The following DENND11 variants were observed in gnomAD, a reference collection of about 807,000 sequenced individuals.
DENND11 encodes DENN domain-containing protein 11.
DENND11 carries 34 observed loss-of-function variants against 49.2 expected under a neutral mutation model. The ratio of observed to expected loss-of-function variants is 0.69; its 90% confidence interval spans 0.53 to 0.92. DENND11 has a LOEUF of 0.92. Ranked by LOEUF, DENND11 falls within the 40% of genes least tolerant of loss-of-function variation. The pLI is 0.00. For missense variants in DENND11, 475 were observed against 581.6 expected (o/e 0.82, Z 1.88); for synonymous variants, 238 against 230.3 (o/e 1.03, Z -0.30).
At position 141,702,054 on chromosome 7, in the gene DENND11, G is replaced by GGCCCCA; in HGVS notation, c.94_99dup (p.Trp32_Gly33dup). On this transcript the variant is annotated inframe_insertion, in exon 1 of 9. Coordinates refer to ENST00000536163, the MANE Select transcript of DENND11 (RefSeq NM_001080392.2). Reference sequence around the variant, plus strand: ...GGCCGGGCGCCCCCGCCGCCGCCCCGGCCCCAGCCTCCCGCCTGCGGCTGC... The same window carrying GGCCCCA: ...GGCCGGGCGCCCCCGCCGCCGCCCCGGCCCCAGCCCCAGCCTCCCGCCTGCGGCTGC... The GGCCCCA allele has an allele frequency of 2.0e-6, 2 of 993,118 alleles. No individual in the cohort carries two copies. Among genetic ancestry groups the GGCCCCA allele is most frequent in the Non-Finnish European group, 2.4e-6 (2 of 836,572 alleles). The allele number at this position is 993,118 out of a possible 1,614,324, so 61.5% of individuals were successfully genotyped here. A position where few individuals can be genotyped will look rare whatever the true frequency, so the allele number is the denominator to read the frequency against.
chr7:141,669,619 T>C (rs1392461808), intron 4 of DENND11, among the ~76,000 whole-genome samples: 1 of 152,084 alleles, frequency 6.6e-6, no homozygotes, highest in Non-Finnish European at 1.5e-5. Flanking sequence ...TTTGAACTTA[T>C]TTCTATAAAG....
intron 1 of DENND11, among the ~76,000 whole-genome samples, chr7:141,693,720 C>T (rs7802071): frequency 0.34 from 52,404 of 151,994 alleles, 10,447 homozygotes; most frequent in East Asian, 0.52. Flanking sequence ...ATGCATGTAG[C>T]TAAATAAGAG....
rs1797787381 is a variant in DENND11, at chr7:141,661,204, T to A, written c.*1452A>T. 1 of 152,134 alleles carries A rather than the reference T, an allele frequency of 6.6e-6. No individual in the cohort carries two copies. Among genetic ancestry groups the A allele is most frequent in the Non-Finnish European group, 1.5e-5 (1 of 68,032 alleles). The allele number at this position is 152,134 out of a possible 1,614,324, so 9.4% of individuals were successfully genotyped here. A position where few individuals can be genotyped will look rare whatever the true frequency, so the allele number is the denominator to read the frequency against. Reference sequence around the variant, plus strand: ...ATGGATGCACTGACGGCTATTCCCATAACCGAGCCAGGCGGGAAGGGGGAA... The same window carrying A: ...ATGGATGCACTGACGGCTATTCCCAAAACCGAGCCAGGCGGGAAGGGGGAA... On this transcript the variant is annotated 3_prime_UTR_variant, in exon 9 of 9. Transcript: ENST00000536163.
chr7:141,685,028 A>AT (rs1434539762), intron 3 of DENND11, among the ~76,000 whole-genome samples: 230 of 100,692 alleles, frequency 2.3e-3, no homozygotes, highest in South Asian at 0.01. Flanking sequence ...AAAAAAAAAA[A>AT]AATATATATA....
At chr7:141,696,908 C>G (rs1232467332) in intron 1 of DENND11, among the ~76,000 whole-genome samples, 1 of 152,142 alleles carries the variant, frequency 6.6e-6, no homozygotes, top group East Asian at 1.9e-4. Flanking sequence ...AGAGCACATC[C>G]AAAGCAAAGA....
intron 8 of DENND11, chr7:141,663,125 G>C: frequency 6.0e-6 from 2 of 333,886 alleles, no homozygotes; most frequent in Non-Finnish European, 1.1e-5. Context: ...TGAGGGAAGT[G>C]ACCTGGGTTT....
At chr7:141,674,321 T>G in intron 3 of DENND11, 101 bp from the exon 4 acceptor site, 1 of 1,418,972 alleles carries the variant, frequency 7.0e-7, no homozygotes, top group Non-Finnish European at 9.2e-7. Flanking sequence ...CTCAAGGGGC[T>G]GTAACACTCA....
chr7:141,666,891 C>A (rs528284485), intron 4 of DENND11, among the ~76,000 whole-genome samples: 1 of 152,130 alleles, frequency 6.6e-6, no homozygotes, highest in Non-Finnish European at 1.5e-5. Context: ...GAGCCCCTGG[C>A]ATAACCCCTG....
In DENND11 at chr7:141,701,891, CG is replaced by C; in HGVS notation, c.262del (p.Arg88AlafsTer6). Reference protein sequence around the residue: ...VAVFVVTFDPRSGNMVEWCLP... With the variant: ...VAVFVVTFDPXSGNMVEWCLP... Reference sequence around the variant, plus strand: ...GGCCCCGGCGCGGCCCTCACCCGAGCGGGGGTCGAAGGTGACCACGAACACG... The same window carrying C: ...GGCCCCGGCGCGGCCCTCACCCGAGCGGGGTCGAAGGTGACCACGAACACG... On this transcript the variant is annotated frameshift_variant, in exon 1 of 9. Coordinates refer to ENST00000536163, the MANE Select transcript of DENND11 (RefSeq NM_001080392.2). LOFTEE classifies it high-confidence loss of function. 1.7e-6 allele frequency: 2 copies of C among 1,204,860 alleles called. No individual in the cohort carries two copies. The highest frequency in any genetic ancestry group is 2.1e-6 in the Non-Finnish European group (2 of 971,282). 74.6% of individuals were successfully genotyped at this position (1,204,860 alleles called of 1,614,324 possible).
chr7:141,664,324 G>C, intron 7 of DENND11, 84 bp from the exon 8 acceptor site: 1 of 995,860 alleles, frequency 1.0e-6, no homozygotes, highest in Non-Finnish European at 1.5e-6. Context: ...ATCTTCAATG[G>C]GCCACCACCT....
intron 4 of DENND11, 33 bp downstream of exon 4, chr7:141,674,034 A>C (rs1798025859): frequency 6.3e-7 from 1 of 1,592,846 alleles, no homozygotes; most frequent in African/African-American, 1.3e-5. Context: ...ATACAGATCC[A>C]GTATAGTGTA....
Position 141,662,541 on chromosome 7 carries a change from TA to T in DENND11, c.*114del. On this transcript the variant is annotated 3_prime_UTR_variant, in exon 9 of 9. Coordinates refer to ENST00000536163, the MANE Select transcript of DENND11 (RefSeq NM_001080392.2). Reference sequence around the variant, plus strand: ...CAAAAATTATGTTTGTTGGAAAGTATAAACAATATTCCTTTGTGTCAACTTA... The same window carrying T: ...CAAAAATTATGTTTGTTGGAAAGTATAACAATATTCCTTTGTGTCAACTTA... 2 of 650,988 alleles carry T rather than the reference TA, an allele frequency of 3.1e-6. No individual in the cohort carries two copies. The highest frequency in any genetic ancestry group is 1.9e-5 in the African/African-American group (1 of 53,396). The allele number at this position is 650,988 out of a possible 1,614,324, so 40.3% of individuals were successfully genotyped here. A position where few individuals can be genotyped will look rare whatever the true frequency, so the allele number is the denominator to read the frequency against.
rs1321449434 is a variant in DENND11, at chr7:141,674,115, A to G, written c.633T>C (p.Pro211=). 1.2e-6 allele frequency: 2 copies of G among 1,600,990 alleles called. No homozygotes were observed. The highest frequency in any genetic ancestry group is 1.7e-4 in the Middle Eastern group (1 of 6,036). ...GGTGGATGGAAGGCAGCCAGTAGAC[A>G]GGGGGCAGGCTGCTGCCTCTGCCGG... is the stretch of plus-strand genomic sequence containing the variant. The part of the protein sequence containing the change: ...AGPGRGSSLP[P]VYWLPSIHRY... The change falls in exon 4 of 9, where the codon CCT becomes CCC. Residue 211 remains proline, a synonymous_variant. Coordinates refer to ENST00000536163, the MANE Select transcript of DENND11 (RefSeq NM_001080392.2).
intron 1 of DENND11, among the ~76,000 whole-genome samples, chr7:141,694,760 AAC>A: frequency 7.7e-6 from 1 of 129,356 alleles, no homozygotes; most frequent in Non-Finnish European, 1.8e-5. Flanking sequence ...AATCATGAAA[AAC>A]ACAAAGTCAA....
Position 141,690,980 on chromosome 7 carries a change from A to T in DENND11, c.269-4322T>A, listed in dbSNP as rs374539883. On this transcript the variant is annotated intron_variant, in intron 1 of 8. Transcript: ENST00000536163. ...ACTAATTTTATAGAAGGCACTTTTT[A>T]AAAAAAAAAAGAAATACAGGTATAT... is the stretch of plus-strand genomic sequence containing the variant. Among the ~76,000 whole-genome samples the T allele has an allele frequency of 4.4e-3, 645 of 147,452 alleles. 6 individuals are homozygous for T. The highest frequency in any genetic ancestry group is 0.011 in the African/African-American group (452 of 40,254).
At chr7:141,697,578 A>G (rs1327773921) in intron 1 of DENND11, among the ~76,000 whole-genome samples, 1 of 152,136 alleles carries the variant, frequency 6.6e-6, no homozygotes, top group African/African-American at 2.4e-5. Flanking sequence ...TTTGCATCTT[A>G]AAATTGTCCT....
At chr7:141,697,703 C>G (rs986252653) in intron 1 of DENND11, among the ~76,000 whole-genome samples, 6 of 152,070 alleles carry the variant, frequency 3.9e-5, no homozygotes, top group Admixed American at 1.3e-4. Context: ...CCTCAGACAC[C>G]AGACCTAGCC....
At chr7:141,697,010 A>G (rs889036520) in intron 1 of DENND11, among the ~76,000 whole-genome samples, 1 of 152,224 alleles carries the variant, frequency 6.6e-6, no homozygotes, top group African/African-American at 2.4e-5. Context: ...CTGAATTCCA[A>G]TGCATTCACT....
rs183234755 is a variant in DENND11 at position 141,656,840 on chromosome 7, T to C, written c.*5816A>G. ...TATATACAGATATGATATTCATAGA[T>C]GTTATTTGTACCACAGAACAAAATC... On this transcript the variant is annotated 3_prime_UTR_variant, in exon 9 of 9. Coordinates refer to ENST00000536163, the MANE Select transcript of DENND11 (RefSeq NM_001080392.2). 7.4e-4 allele frequency: 114 copies of C among 153,090 alleles called. No homozygotes were observed. Among genetic ancestry groups the C allele is most frequent in the African/African-American group, 2.7e-3 (111 of 41,588 alleles). 9.5% of individuals were successfully genotyped at this position (153,090 alleles called of 1,614,324 possible).
Sources: allele counts gnomAD v4.1 joint callset (sites outside exome capture counted in the v4.1 genomes callset), GRCh38; gene constraint gnomAD v4.1.1; transcripts MANE v1.5; gene names NCBI Gene and HGNC (gene_info 2026-07-23, HGNC 2026-07-21).